The following TINAG variants were observed in gnomAD, a reference collection of about 807,000 sequenced individuals.
The protein encoded by TINAG is tubulointerstitial nephritis antigen.
Under a neutral mutation model 72.7 loss-of-function variants are expected in TINAG, and 83 were observed. That is an observed-to-expected ratio of 1.14 (90% CI 0.96 to 1.37). The LOEUF is 1.37. Ranked by LOEUF, TINAG falls within the 40% of genes most tolerant of loss-of-function variation. TINAG has a pLI of 0.00. For missense variants in TINAG, 685 were observed against 576.6 expected, an observed-to-expected ratio of 1.19 and a Z score of -1.93; for synonymous variants, 234 against 189.9, an observed-to-expected ratio of 1.23 and a Z score of -1.91.
chr6:54,343,100 TC>T, intron 4 of TINAG, 125 bp from the exon 5 acceptor site: 1 of 814,766 alleles, frequency 1.2e-6, no homozygotes, highest in African/African-American at 1.8e-5. Context: ...TAGCTGTAGT[TC>T]ATCTGGAAAC....
chr6:54,339,799 C>T lies in TINAG; in HGVS notation c.625-3427C>T, dbSNP rs115170800. On this transcript the variant is annotated intron_variant, in intron 4 of 10. Transcript: ENST00000259782. Reference sequence around the variant, plus strand: ...TTTCTTGGTATTCATGGCCACTGACCTTAGATTGTAAAGGTCATAACAGAA... The same window carrying T: ...TTTCTTGGTATTCATGGCCACTGACTTTAGATTGTAAAGGTCATAACAGAA... Among the ~76,000 whole-genome samples, 463 of 152,202 alleles carry T rather than the reference C, an allele frequency of 3.0e-3. 1 individual carries two copies. The highest frequency in any genetic ancestry group is 9.4e-3 in the African/African-American group (391 of 41,532).
At chr6:54,378,287 T>C (rs1407365742) in intron 9 of TINAG, among the ~76,000 whole-genome samples, 2 of 152,330 alleles carry the variant, frequency 1.3e-5, no homozygotes, top group African/African-American at 4.8e-5. Flanking sequence ...GTTGCCATAC[T>C]TTCCTTTTCC....
intron 9 of TINAG, among the ~76,000 whole-genome samples, chr6:54,358,311 T>A (rs1020961052): frequency 3.3e-5 from 5 of 151,926 alleles, no homozygotes; most frequent in African/African-American, 1.2e-4. Flanking sequence ...AGCTTTTTTA[T>A]GTTGATTGTA....
Position 54,377,800 on chromosome 6 carries a change from C to T in TINAG, c.1251-2726C>T, listed in dbSNP as rs921433314. Among the ~76,000 whole-genome samples, 5 of 151,996 alleles carry T rather than the reference C, an allele frequency of 3.3e-5. No individual in the cohort carries two copies. The East Asian group carries it at 5.8e-4, about 18-fold the overall frequency. On this transcript the variant is annotated intron_variant, in intron 9 of 10. Transcript: ENST00000259782. ...AATGGTACCACAATTTAGGAACATA[C>T]ATATATTAGGAAAAAATGCCCTCAA...
chr6:54,321,191 A>T, intron 2 of TINAG, 106 bp from the exon 3 acceptor site: 1 of 860,490 alleles, frequency 1.2e-6, no homozygotes, highest in African/African-American at 1.7e-5. Flanking sequence ...GGCTAACATT[A>T]ATCAAGAAAT....
At position 54,371,224 on chromosome 6, in the gene TINAG, C is replaced by T. The variant is rs572681466; in HGVS notation, c.1251-9302C>T. Among the ~76,000 whole-genome samples the T allele has an allele frequency of 3.6e-4, 55 of 151,782 alleles. No individual in the cohort carries two copies. The South Asian group carries it at 0.011, about 31-fold the overall frequency. On this transcript the variant is annotated intron_variant, in intron 9 of 10. Coordinates refer to ENST00000259782, the MANE Select transcript of TINAG (RefSeq NM_014464.4). Reference sequence around the variant, plus strand: ...AAGGAATGCTTTATAGCATAAAGAACGAGGATACTGGGGTCAAGCTTAGAT... The same window carrying T: ...AAGGAATGCTTTATAGCATAAAGAATGAGGATACTGGGGTCAAGCTTAGAT...
intron 3 of TINAG, among the ~76,000 whole-genome samples, chr6:54,324,357 T>G (rs908271223): frequency 6.6e-6 from 1 of 152,156 alleles, no homozygotes; most frequent in African/African-American, 2.4e-5. Flanking sequence ...AATTGGGCCA[T>G]GTTTCTCCAG....
At chr6:54,372,751 T>C (rs9367569) in intron 9 of TINAG, among the ~76,000 whole-genome samples, 4 of 24,156 alleles carry the variant, frequency 1.7e-4, no homozygotes, top group African/African-American at 2.3e-4. Flanking sequence ...TATATATATA[T>C]ATATATATAT....
At chr6:54,347,583 A>T in intron 6 of TINAG, 66 bp downstream of exon 6, 1 of 1,529,640 alleles carries the variant, frequency 6.5e-7, no homozygotes, top group East Asian at 2.3e-5. Context: ...AGAACAAGGA[A>T]AATAATCCCA....
At chr6:54,382,888 T>C (rs996912220) in intron 10 of TINAG, among the ~76,000 whole-genome samples, 1 of 152,124 alleles carries the variant, frequency 6.6e-6, no homozygotes, top group Non-Finnish European at 1.5e-5. Flanking sequence ...TCCATTATGA[T>C]GAGTTGAAGA....
At chr6:54,376,750 C>A (rs572251541) in intron 9 of TINAG, among the ~76,000 whole-genome samples, 1 of 152,148 alleles carries the variant, frequency 6.6e-6, no homozygotes, top group Admixed American at 6.5e-5. Context: ...GGTTTTAATA[C>A]CTTACTCTGC....
chr6:54,378,662 A>G (rs560683673), intron 9 of TINAG, among the ~76,000 whole-genome samples: 1 of 152,284 alleles, frequency 6.6e-6, no homozygotes, highest in South Asian at 2.1e-4. Context: ...TAATTTATTC[A>G]GTAATACTAA....
chr6:54,338,655 C>T (rs1280441974), intron 4 of TINAG, among the ~76,000 whole-genome samples: 2 of 130,492 alleles, frequency 1.5e-5, no homozygotes, highest in African/African-American at 5.8e-5. Context: ...AACTGGGAGG[C>T]GGAGGTTGCA....
chr6:54,354,278 T>C (rs1371015771), intron 8 of TINAG, among the ~76,000 whole-genome samples: 5 of 151,856 alleles, frequency 3.3e-5, no homozygotes. Context: ...TAGATGGTGT[T>C]TTAAAAGCAT....
In TINAG at chr6:54,351,129, A is replaced by G. The variant is rs79251084; in HGVS notation, c.1081-223A>G. On this transcript the variant is annotated intron_variant, in intron 7 of 10. Coordinates refer to ENST00000259782, the MANE Select transcript of TINAG (RefSeq NM_014464.4). ...TGTTTCTTTATAACCATAAAAGGCT[A>G]TTGTATTTTGTCTCCACTCCAAATT... Among the ~76,000 whole-genome samples the G allele has an allele frequency of 9.2e-3, 1,406 of 152,128 alleles. 23 individuals are homozygous for G. Among genetic ancestry groups the G allele is most frequent in the African/African-American group, 0.032 (1,350 of 41,550 alleles).
chr6:54,343,535 T>TG (rs1254976746), intron 5 of TINAG, among the ~76,000 whole-genome samples, 186 bp downstream of exon 5: 2 of 130,860 alleles, frequency 1.5e-5, no homozygotes, highest in Non-Finnish European at 3.1e-5. Context: ...GTCTAAAAGT[T>TG]TTTTTTTTTT....
upstream of TINAG, chr6:54,308,097 C>G: frequency 6.5e-7 from 1 of 1,549,676 alleles, no homozygotes; most frequent in Non-Finnish European, 8.7e-7. Flanking sequence ...TCAATGCAGG[C>G]AGGTGAAACG....
chr6:54,352,272 T>C (rs989484190), intron 8 of TINAG, among the ~76,000 whole-genome samples: 4 of 151,890 alleles, frequency 2.6e-5, no homozygotes, highest in Admixed American at 6.6e-5. Flanking sequence ...TTTTTCTGAA[T>C]ACTGATCTAA....
chr6:54,370,748 G>A (rs1763578032), intron 9 of TINAG, among the ~76,000 whole-genome samples: 1 of 152,054 alleles, frequency 6.6e-6, no homozygotes, highest in South Asian at 2.1e-4. Context: ...GGGCCCTGGG[G>A]ATGTTGAAAC....
Sources: gnomAD v4.1 joint callset for allele counts (sites outside exome capture counted in the v4.1 genomes callset) on GRCh38, gnomAD v4.1.1 for gene constraint, MANE v1.5 for transcripts, NCBI Gene and HGNC (gene_info 2026-07-23, HGNC 2026-07-21) for gene names.